The following FAM120A variants were observed in gnomAD, a reference collection of about 807,000 sequenced individuals.
FAM120A encodes family with sequence similarity 120 member A.
A neutral mutation model predicts 109.7 loss-of-function variants in FAM120A; 15 were observed. The ratio of observed to expected loss-of-function variants is 0.14; its 90% CI spans 0.09 to 0.21. The LOEUF is 0.21. Among genes scored for constraint, FAM120A ranks in the 10% least tolerant of loss-of-function variants. The pLI is 1.00. For synonymous variants in FAM120A, 493 were observed against 572.8 expected (o/e 0.86, Z 1.99); for missense variants, 899 against 1,439.3 (o/e 0.62, Z 6.07).
At chr9:93,506,314 C>G (rs1308590260) in intron 5 of FAM120A, among the ~76,000 whole-genome samples, 1 of 152,064 alleles carries the variant, frequency 6.6e-6, no homozygotes, top group Non-Finnish European at 1.5e-5. Flanking sequence ...TTGAATTGTC[C>G]TGAATATCTT....
intron 5 of FAM120A, among the ~76,000 whole-genome samples, chr9:93,505,036 A>G (rs1435576419): frequency 7.8e-6 from 1 of 127,998 alleles, no homozygotes; most frequent in Non-Finnish European, 1.6e-5. Flanking sequence ...ATGCTTGTTC[A>G]TGTTGTTCGC....
chr9:93,483,115 G>A (rs552338610), intron 3 of FAM120A, among the ~76,000 whole-genome samples: 118 of 152,192 alleles, frequency 7.8e-4, no homozygotes, highest in Non-Finnish European at 1.6e-3. Context: ...GATGAACTTC[G>A]TTTATTTCTG....
At chr9:93,512,664 G>A (rs1420432550) in intron 5 of FAM120A, among the ~76,000 whole-genome samples, 1 of 152,112 alleles carries the variant, frequency 6.6e-6, no homozygotes, top group Admixed American at 6.5e-5. Context: ...TTGTAGAGAG[G>A]ACACACAGTG....
chr9:93,472,785 A>G lies in FAM120A; in HGVS notation c.721+1398A>G, dbSNP rs79366096. 3.5e-4 allele frequency among the ~76,000 whole-genome samples: 53 copies of G among 152,298 alleles called. No homozygotes were observed. The East Asian group carries it at 8.9e-3, about 26-fold the overall frequency. On this transcript the variant is annotated intron_variant, in intron 2 of 17. Coordinates refer to ENST00000277165, the MANE Select transcript of FAM120A (RefSeq NM_014612.5). ...CTTTATTTCAAAGAGACACTTTTCAATATTCAGTATCAAAACGATTGCGCT... is the reference window on the plus strand; with the variant it reads ...CTTTATTTCAAAGAGACACTTTTCAGTATTCAGTATCAAAACGATTGCGCT...
rs375418947 is a variant in FAM120A, at chr9:93,561,086, C to A, written c.2807-23C>A. On this transcript the variant is annotated intron_variant, in intron 15 of 17. Transcript: ENST00000277165. Reference sequence around the variant, plus strand: ...AATTCTGTGATTGTAAAGATTTTGTCTTTTTGTATATTTTTTATGCAGGAG... The same window carrying A: ...AATTCTGTGATTGTAAAGATTTTGTATTTTTGTATATTTTTTATGCAGGAG... The A allele has an allele frequency of 7.5e-6, 12 of 1,609,730 alleles. No homozygotes were observed. In the African/African-American group the frequency reaches 1.5e-4, roughly 20 times the overall value.
intron 3 of FAM120A, among the ~76,000 whole-genome samples, chr9:93,487,862 A>T (rs1001381854): frequency 2.6e-5 from 4 of 152,184 alleles, no homozygotes; most frequent in Non-Finnish European, 4.4e-5. Flanking sequence ...CTGGTGTCTG[A>T]CTGTAGGCAG....
chr9:93,474,312 C>T (rs537588337), intron 2 of FAM120A, among the ~76,000 whole-genome samples: 5 of 151,878 alleles, frequency 3.3e-5, no homozygotes, highest in South Asian at 2.1e-4. Flanking sequence ...CTCAGCCTCC[C>T]GAGTAGCTGG....
chr9:93,458,906 C>T (rs1023430688), intron 1 of FAM120A, among the ~76,000 whole-genome samples: 46 of 152,290 alleles, frequency 3.0e-4, no homozygotes, highest in African/African-American at 9.9e-4. Context: ...GACCTTCCTG[C>T]GACCTGAACT....
At chr9:93,476,225 T>A in intron 2 of FAM120A, 31 bp from the exon 3 acceptor site, 1 of 1,464,070 alleles carries the variant, frequency 6.8e-7, no homozygotes, top group Non-Finnish European at 9.6e-7. Context: ...TTAAGATGAT[T>A]GCTTTTATGT....
chr9:93,499,105 A>C (rs552248595), intron 5 of FAM120A, among the ~76,000 whole-genome samples: 2 of 152,306 alleles, frequency 1.3e-5, no homozygotes, highest in African/African-American at 4.8e-5. Context: ...AAGAAGAATC[A>C]GAGGGCATTG....
chr9:93,531,203 C>T (rs375127709), intron 9 of FAM120A: 3 of 152,214 alleles, frequency 2.0e-5, no homozygotes, highest in East Asian at 3.9e-4. Flanking sequence ...TGTTAGAACA[C>T]ATGTAGCTAC....
At chr9:93,483,834 A>G (rs1588821390) in intron 3 of FAM120A, among the ~76,000 whole-genome samples, 1 of 152,200 alleles carries the variant, frequency 6.6e-6, no homozygotes, top group South Asian at 2.1e-4. Flanking sequence ...GAAATTTGTT[A>G]TTTGCTCCTT....
chr9:93,562,299 A>G lies in FAM120A; in HGVS notation c.3040A>G (p.Ile1014Val). The change falls in exon 17 of 18, where the codon ATT (isoleucine) becomes GTT (valine). Residue 1014 changes from isoleucine (I) to valine (V), a missense_variant. Around this residue, in one of 11 missense-constraint regions of FAM120A, gnomAD observed 170 missense variants for 205.0 expected, o/e 0.83. Transcript: ENST00000277165. ...CAGAGGTTACAAAAACCAGGCAGCA[A>G]TTCAGGTAAGAAGACAACATGATGT... ...YGRGYKNQAA[I>V]QGRPPYAASA... 1 of 1,613,422 alleles carries G rather than the reference A, an allele frequency of 6.2e-7. No individual in the cohort carries two copies. The highest frequency in any genetic ancestry group is 1.1e-5 in the South Asian group (1 of 91,064).
intron 3 of FAM120A, among the ~76,000 whole-genome samples, chr9:93,489,618 A>C (rs769629076): frequency 6.6e-6 from 1 of 152,198 alleles, no homozygotes; most frequent in South Asian, 2.1e-4. Flanking sequence ...AGCAGTTTCC[A>C]TCTTTGGAGT....
At chr9:93,466,798 G>T (rs1218985747) in intron 1 of FAM120A, among the ~76,000 whole-genome samples, 1 of 152,104 alleles carries the variant, frequency 6.6e-6, no homozygotes, top group Non-Finnish European at 1.5e-5. Context: ...GTTCATTCTA[G>T]CCTTCTCCTT....
intron 5 of FAM120A, among the ~76,000 whole-genome samples, chr9:93,507,523 G>A (rs1031323558): frequency 2.6e-5 from 4 of 152,198 alleles, no homozygotes; most frequent in African/African-American, 4.8e-5. Flanking sequence ...GTCATGGGTT[G>A]CAGCTTTGCT....
rs764574027 is a variant in FAM120A at position 93,564,494 on chromosome 9, G to A, written c.3311G>A (p.Arg1104His). 3.3e-5 allele frequency: 53 copies of A among 1,613,392 alleles called. No individual in the cohort carries two copies. The Middle Eastern group carries it at 5.0e-4, about 15-fold the overall frequency. Residue 1104 changes from arginine to histidine, a missense_variant, in exon 18 of 18, where the codon CGC (arginine) becomes CAC (histidine). This residue lies in a region of FAM120A where 170 missense variants were observed against 205.0 expected (regional missense o/e 0.83). Transcript: ENST00000277165. ...GCACTAAGTACAGACAGCGCTTGCCGCAGAGAAGCTGCTCTGGAGGCAGCT... is the reference window on the plus strand; with the variant it reads ...GCACTAAGTACAGACAGCGCTTGCCACAGAGAAGCTGCTCTGGAGGCAGCT... ...LNALSTDSAC[R>H]REAALEAAVL... is the part of the protein sequence containing the mutation.
intron 5 of FAM120A, among the ~76,000 whole-genome samples, chr9:93,513,377 C>A (rs752504217): frequency 6.6e-6 from 1 of 152,152 alleles, no homozygotes; most frequent in African/African-American, 2.4e-5. Flanking sequence ...TGTATCTACG[C>A]CTGTGTGTGA....
At chr9:93,517,239 A>G (rs917247258) in intron 7 of FAM120A, among the ~76,000 whole-genome samples, 2 of 152,262 alleles carry the variant, frequency 1.3e-5, no homozygotes, top group African/African-American at 4.8e-5. Flanking sequence ...ACATTAATAA[A>G]TGTTGATTTG....
Sources: gnomAD v4.1 joint callset for allele counts (sites outside exome capture counted in the v4.1 genomes callset) on GRCh38, gnomAD v4.1.1 for gene constraint, gnomAD v4.1.1 regional missense constraint, MANE v1.5 for transcripts, NCBI Gene and HGNC (gene_info 2026-07-23, HGNC 2026-07-21) for gene names.